The following GRM8 variants were observed in gnomAD, a reference collection of about 807,000 sequenced individuals.
GRM8 encodes glutamate metabotropic receptor 8, also known as metabotropic glutamate receptor 8.
GRM8 carries 47 observed loss-of-function variants against 87.2 expected under a neutral mutation model. That is an observed-to-expected ratio of 0.54 (90% CI 0.43 to 0.69). The LOEUF (loss-of-function observed/expected upper bound fraction) is 0.69. Among genes scored for constraint, GRM8 ranks in the 30% least tolerant of loss-of-function variants. GRM8 has a pLI of 0.00. For synonymous variants in GRM8, 396 were observed against 404.5 expected (o/e 0.98, Z 0.25); for missense variants, 1,019 against 1,139.2 (o/e 0.89, Z 1.52).
chr7:126,604,825 T>C (rs562068088), intron 8 of GRM8, among the ~76,000 whole-genome samples: 5 of 152,166 alleles, frequency 3.3e-5, no homozygotes, highest in Non-Finnish European at 7.4e-5. Context: ...TATGGAGTCA[T>C]CCACTGAAAA....
intron 2 of GRM8, among the ~76,000 whole-genome samples, chr7:127,139,307 A>G (rs1388572282): frequency 2.6e-5 from 4 of 152,106 alleles, no homozygotes; most frequent in Non-Finnish European, 4.4e-5. Flanking sequence ...TCTTCTTACC[A>G]CAGAAAAGAG....
intron 3 of GRM8, among the ~76,000 whole-genome samples, chr7:127,091,556 T>A (rs1586973508): frequency 1.5e-5 from 1 of 66,648 alleles, no homozygotes; most frequent in South Asian, 7.7e-4. Flanking sequence ...GTCATCCCCA[T>A]CCCACTCATC....
At chr7:127,028,182 C>T (rs533797343) in intron 3 of GRM8, among the ~76,000 whole-genome samples, 34 of 152,182 alleles carry the variant, frequency 2.2e-4, no homozygotes, top group Non-Finnish European at 4.3e-4. Flanking sequence ...AGGGATGAAG[C>T]CAACTTGATC....
chr7:127,181,659 T>G (rs955982929), intron 2 of GRM8, among the ~76,000 whole-genome samples: 2 of 151,928 alleles, frequency 1.3e-5, no homozygotes, highest in Non-Finnish European at 2.9e-5. Context: ...CATAGACCAG[T>G]GAAACAGGAT....
chr7:126,893,288 AT>A (rs2131111930), intron 6 of GRM8, among the ~76,000 whole-genome samples: 1 of 152,166 alleles, frequency 6.6e-6, no homozygotes, highest in South Asian at 2.1e-4. Context: ...CTCCAATAAA[AT>A]TTGACTGATT....
chr7:127,158,854 A>G (rs1366897507), intron 2 of GRM8, among the ~76,000 whole-genome samples: 1 of 151,628 alleles, frequency 6.6e-6, no homozygotes, highest in Non-Finnish European at 1.5e-5. Context: ...ACTGCCCCCT[A>G]GCTGTAGGTG....
chr7:126,984,275 T>C (rs556462808), intron 3 of GRM8, among the ~76,000 whole-genome samples: 2 of 152,284 alleles, frequency 1.3e-5, no homozygotes, highest in East Asian at 3.9e-4. Flanking sequence ...GGTGGACTTG[T>C]GATGGTTAAT....
At chr7:126,611,174 GT>G (rs1257695441) in intron 7 of GRM8, among the ~76,000 whole-genome samples, 2 of 152,124 alleles carry the variant, frequency 1.3e-5, no homozygotes, top group African/African-American at 4.8e-5. Flanking sequence ...CAATCAAGCA[GT>G]ACTATCTTAG....
At position 127,028,927 on chromosome 7, in the gene GRM8, T is replaced by G. The variant is rs1817079858; in HGVS notation, c.727+77569A>C. Reference sequence around the variant, plus strand: ...TCTCTAGTTCTTTTAATTGTGATGTTAGGGTGTCAATTTTAGATCTTTCCT... The same window carrying G: ...TCTCTAGTTCTTTTAATTGTGATGTGAGGGTGTCAATTTTAGATCTTTCCT... On this transcript the variant is annotated intron_variant, in intron 3 of 10. Coordinates refer to ENST00000339582, the MANE Select transcript of GRM8 (RefSeq NM_000845.3). Among the ~76,000 whole-genome samples the G allele has an allele frequency of 3.3e-5, 5 of 152,314 alleles. No homozygotes were observed. The South Asian group carries it at 1.0e-3, about 32-fold the overall frequency.
At chr7:126,897,854 C>T (rs1366823286) in intron 6 of GRM8, among the ~76,000 whole-genome samples, 1 of 152,026 alleles carries the variant, frequency 6.6e-6, no homozygotes, top group Non-Finnish European at 1.5e-5. Flanking sequence ...TCCTGAGATT[C>T]TAGAGGGGAA....
At chr7:126,571,790 G>GA (rs1794713253) in intron 8 of GRM8, among the ~76,000 whole-genome samples, 1 of 151,340 alleles carries the variant, frequency 6.6e-6, no homozygotes, top group Admixed American at 6.6e-5. Flanking sequence ...ACCCAGGCTG[G>GA]AATGCAATGG....
intron 6 of GRM8, among the ~76,000 whole-genome samples, chr7:126,886,563 A>G (rs1800518791): frequency 6.6e-6 from 1 of 152,130 alleles, no homozygotes; most frequent in Non-Finnish European, 1.5e-5. Flanking sequence ...AACAAAATCC[A>G]TAGAAAACAG....
intron 6 of GRM8, among the ~76,000 whole-genome samples, chr7:126,867,170 G>T (rs991267447): frequency 2.0e-5 from 3 of 152,108 alleles, no homozygotes; most frequent in Non-Finnish European, 2.9e-5. Flanking sequence ...GAACTAAAAG[G>T]AGACATTATT....
intron 2 of GRM8, among the ~76,000 whole-genome samples, chr7:127,130,457 G>T (rs1827624159): frequency 6.6e-6 from 1 of 152,180 alleles, no homozygotes; most frequent in Non-Finnish European, 1.5e-5. Flanking sequence ...CCAGGCTGAG[G>T]TGGTCTCAGA....
rs563416930 is a variant in GRM8 at position 126,479,964 on chromosome 7, C to A, written c.2431-33592G>T. Among the ~76,000 whole-genome samples, 3 of 152,142 alleles carry A rather than the reference C, an allele frequency of 2.0e-5. No individual in the cohort carries two copies. In the East Asian group the frequency reaches 5.8e-4, roughly 30 times the overall value. Reference sequence around the variant, plus strand: ...CATGACCCAGAGGGAAAAAAATCAACCAGAATGTGATGGCAACCCAAGGTG... The same window carrying A: ...CATGACCCAGAGGGAAAAAAATCAAACAGAATGTGATGGCAACCCAAGGTG... On this transcript the variant is annotated intron_variant, in intron 9 of 10. Transcript: ENST00000339582.
intron 3 of GRM8, among the ~76,000 whole-genome samples, chr7:127,009,946 G>T (rs933759935): frequency 1.3e-5 from 2 of 151,854 alleles, no homozygotes; most frequent in African/African-American, 4.8e-5. Flanking sequence ...TGGGTTCAAG[G>T]ATCCCCCTGC....
chr7:126,865,882 C>T (rs1321284116), intron 6 of GRM8, among the ~76,000 whole-genome samples: 1 of 152,142 alleles, frequency 6.6e-6, no homozygotes, highest in African/African-American at 2.4e-5. Context: ...ATGATGCTGT[C>T]ATGAATATTC....
chr7:127,213,664 T>A (rs989082503), intron 2 of GRM8, among the ~76,000 whole-genome samples: 5 of 152,202 alleles, frequency 3.3e-5, no homozygotes, highest in Non-Finnish European at 7.3e-5. Flanking sequence ...TTCTGGGTAA[T>A]ATCTCATATT....
At chr7:126,729,201 G>A (rs978804092) in intron 7 of GRM8, among the ~76,000 whole-genome samples, 1 of 152,104 alleles carries the variant, frequency 6.6e-6, no homozygotes, top group African/African-American at 2.4e-5. Context: ...CCACATGATT[G>A]CTGCCCCACC....
Sources: gnomAD v4.1 joint callset for allele counts (sites outside exome capture counted in the v4.1 genomes callset) on GRCh38, gnomAD v4.1.1 for gene constraint, MANE v1.5 for transcripts, NCBI Gene and HGNC (gene_info 2026-07-23, HGNC 2026-07-21) for gene names.